Variants in EAF1 observed in about 807,000 individuals in gnomAD.
EAF1 encodes the protein ELL associated factor 1, also known as ELL-associated factor 1.
A neutral mutation model predicts 26.6 loss-of-function variants in EAF1; 19 were observed. The observed-to-expected ratio is 0.71, with a 90% CI of 0.50 to 1.05. The LOEUF (loss-of-function observed/expected upper bound fraction) is 1.05, where lower values mean the gene tolerates loss of function less well. Among genes scored for constraint, EAF1 ranks in the 50% least tolerant of loss-of-function variants. EAF1 has a pLI of 0.00. For synonymous variants in EAF1, 102 were observed against 120.6 expected, an observed-to-expected ratio of 0.85 and a Z score of 1.01; for missense variants, 260 against 335.5, an observed-to-expected ratio of 0.78 and a Z score of 1.76.
At position 15,427,722 on chromosome 3, in the gene EAF1, C is replaced by T. The variant is rs2061761135; in HGVS notation, c.-58C>T. 6.6e-7 allele frequency: 1 copy of T among 1,517,890 alleles called. No homozygotes were observed. Among genetic ancestry groups the T allele is most frequent in the East Asian group, 2.5e-5 (1 of 40,546 alleles). 94.0% of individuals were successfully genotyped at this position (1,517,890 alleles called of 1,614,324 possible). A position where few individuals can be genotyped will look rare whatever the true frequency, so the allele number is the denominator to read the frequency against. ...TCCTCCCAGACGCCAGCGCCAGAAG[C>T]TCGGATCGCGGCTGCACCGGGAGAG... On this transcript the variant is annotated 5_prime_UTR_variant, in exon 1 of 6. Transcript: ENST00000396842.
chr3:15,435,207 A>G (rs749809470), intron 4 of EAF1, among the ~76,000 whole-genome samples: 2 of 152,240 alleles, frequency 1.3e-5, no homozygotes, highest in Non-Finnish European at 2.9e-5. Context: ...TGGCCTAGAA[A>G]GAGTTAAAGG....
Position 15,427,687 on chromosome 3 carries a change from G to T in EAF1, c.-93G>T. The T allele has an allele frequency of 7.4e-7, 1 of 1,349,734 alleles. No homozygotes were observed. The highest frequency in any genetic ancestry group is 1.0e-6 in the Non-Finnish European group (1 of 970,512). The allele number at this position is 1,349,734 out of a possible 1,614,324, so 83.6% of individuals were successfully genotyped here. A position where few individuals can be genotyped will look rare whatever the true frequency, so the allele number is the denominator to read the frequency against. On this transcript the variant is annotated 5_prime_UTR_variant, in exon 1 of 6. Coordinates refer to ENST00000396842, the MANE Select transcript of EAF1 (RefSeq NM_033083.7). ...TCCTTGTCTTCCAGAGCGGTGGCCCGGAAGCACAGTCCTCCCAGACGCCAG... is the reference window on the plus strand; with the variant it reads ...TCCTTGTCTTCCAGAGCGGTGGCCCTGAAGCACAGTCCTCCCAGACGCCAG...
intron 2 of EAF1, among the ~76,000 whole-genome samples, chr3:15,430,459 CA>C (rs11300135): frequency 0.41 from 53,471 of 129,708 alleles, 10,051 homozygotes; most frequent in East Asian, 0.52. Flanking sequence ...GACTCCCCCT[CA>C]AAAAAAAAAA....
chr3:15,435,905 A>G (rs903425024), intron 4 of EAF1, among the ~76,000 whole-genome samples: 2 of 152,186 alleles, frequency 1.3e-5, no homozygotes, highest in Non-Finnish European at 2.9e-5. Context: ...TGCTGGTTAG[A>G]GGTAAATCCA....
intron 1 of EAF1, among the ~76,000 whole-genome samples, chr3:15,428,755 T>A (rs2061777094): frequency 6.6e-6 from 1 of 152,224 alleles, no homozygotes; most frequent in African/African-American, 2.4e-5. Context: ...AGAGCATCCC[T>A]CCGTGATTCA....
rs773726683 is a variant in EAF1 at position 15,434,486 on chromosome 3, T to C, written c.474T>C (p.Ser158=). The change falls in exon 4 of 6, where the codon TCT becomes TCC. Residue 158 remains serine (S), a synonymous_variant. Coordinates refer to ENST00000396842, the MANE Select transcript of EAF1 (RefSeq NM_033083.7). ...PTKPPVGPKT[S]PLKDNPSPEP... The stretch of plus-strand genomic sequence containing the variant: ...AGCCTCCAGTTGGACCCAAAACTTC[T>C]CCCTTGAAAGATAACCCCTCACCTG... 18 of 1,613,968 alleles carry C rather than the reference T, an allele frequency of 1.1e-5. No homozygotes were observed. The highest frequency in any genetic ancestry group is 1.5e-5 in the Non-Finnish European group (18 of 1,180,020).
At chr3:15,436,223 C>G in intron 4 of EAF1, 119 bp from the exon 5 acceptor site, 1 of 723,054 alleles carries the variant, frequency 1.4e-6, no homozygotes, top group South Asian at 3.1e-5. Flanking sequence ...AGAAGTAGGA[C>G]TTTGTTTTAA....
At position 15,432,017 on chromosome 3, in the gene EAF1, T is replaced by C. The variant is rs980537848; in HGVS notation, c.199-70T>C. On this transcript the variant is annotated intron_variant, in intron 2 of 5. Transcript: ENST00000396842. ...TAAAAGATTTCATCAGGTGGAGTCA[T>C]CTATAAATTCAGTTGATATTCATAA... 177 of 1,503,286 alleles carry C rather than the reference T, an allele frequency of 1.2e-4. 1 individual carries two copies. Among genetic ancestry groups the C allele is most frequent in the Non-Finnish European group, 1.5e-4 (172 of 1,109,954 alleles). The allele number at this position is 1,503,286 out of a possible 1,614,324, so 93.1% of individuals were successfully genotyped here. A position where few individuals can be genotyped will look rare whatever the true frequency, so the allele number is the denominator to read the frequency against.
chr3:15,432,272 T>C (rs2061806533), intron 3 of EAF1, 49 bp downstream of exon 3: 2 of 1,602,632 alleles, frequency 1.2e-6, no homozygotes, highest in Admixed American at 1.7e-5. Flanking sequence ...CAAACCTCTG[T>C]TATCTATTCA....
At chr3:15,432,900 T>A (rs1265725878) in intron 3 of EAF1, among the ~76,000 whole-genome samples, 1 of 152,028 alleles carries the variant, frequency 6.6e-6, no homozygotes, top group Non-Finnish European at 1.5e-5. Context: ...ATACAGTAAT[T>A]AAATTGTAAA....
At chr3:15,439,088 T>C in intron 5 of EAF1, 21 bp from the exon 6 acceptor site, 1 of 1,598,200 alleles carries the variant, frequency 6.3e-7, no homozygotes, top group Non-Finnish European at 8.5e-7. Flanking sequence ...ATGATTTTAC[T>C]TTATTTTTTT....
In EAF1 at chr3:15,440,862, G is replaced by C. The variant is rs2061864887; in HGVS notation, c.*1707G>C. On this transcript the variant is annotated 3_prime_UTR_variant, in exon 6 of 6. Coordinates refer to ENST00000396842, the MANE Select transcript of EAF1 (RefSeq NM_033083.7). ...CCTTGGTAATGACAGCTCAGGGAAGGTTTCACAAGGTCATGATCAGGAGAC... is the reference window on the plus strand; with the variant it reads ...CCTTGGTAATGACAGCTCAGGGAAGCTTTCACAAGGTCATGATCAGGAGAC... 1 of 152,618 alleles carries C rather than the reference G, an allele frequency of 6.6e-6. No individual in the cohort carries two copies. Among genetic ancestry groups the C allele is most frequent in the Admixed American group, 6.5e-5 (1 of 15,280 alleles). 9.5% of individuals were successfully genotyped at this position (152,618 alleles called of 1,614,324 possible).
chr3:15,432,691 C>T (rs2061809372), intron 3 of EAF1, among the ~76,000 whole-genome samples: 1 of 152,032 alleles, frequency 6.6e-6, no homozygotes, highest in Non-Finnish European at 1.5e-5. Context: ...ACAGTTGCTA[C>T]ATGTCTAAAA....
chr3:15,437,246 CTTT>C (rs71045159), intron 5 of EAF1, among the ~76,000 whole-genome samples: 72 of 120,452 alleles, frequency 6.0e-4, no homozygotes, highest in Non-Finnish European at 8.6e-4. Flanking sequence ...AGTGTGGTGG[CTTT>C]TTTTTTTTTT....
At position 15,434,634 on chromosome 3, in the gene EAF1, G is replaced by A; in HGVS notation, c.526+96G>A. On this transcript the variant is annotated intron_variant, in intron 4 of 5. Transcript: ENST00000396842. ...TGGCTGCTGTATTGATACAGTGGCTGGGGCATTCAATGCCATCAAAAAAAT... is the reference window on the plus strand; with the variant it reads ...TGGCTGCTGTATTGATACAGTGGCTAGGGCATTCAATGCCATCAAAAAAAT... 10 of 1,422,714 alleles carry A rather than the reference G, an allele frequency of 7.0e-6. 1 individual carries two copies. In the South Asian group the frequency reaches 1.3e-4, roughly 18 times the overall value. The allele number at this position is 1,422,714 out of a possible 1,614,324, so 88.1% of individuals were successfully genotyped here.
chr3:15,438,966 A>G (rs760167974), intron 5 of EAF1, 143 bp from the exon 6 acceptor site: 2 of 747,608 alleles, frequency 2.7e-6, no homozygotes, highest in Non-Finnish European at 4.2e-6. Flanking sequence ...AGCCAATTTG[A>G]TTTTCTTCCC....
In EAF1 at chr3:15,434,567, G is replaced by A. The variant is rs373252534; in HGVS notation, c.526+29G>A. 20 of 1,610,542 alleles carry A rather than the reference G, an allele frequency of 1.2e-5. No homozygotes were observed. The African/African-American group carries it at 1.5e-4, about 12-fold the overall frequency. The stretch of plus-strand genomic sequence containing the variant: ...GAGAACATTTTCTGGATCCATGATA[G>A]CAACTTGGAGTAGAGTGCTGAATTT... On this transcript the variant is annotated intron_variant, in intron 4 of 5. Transcript: ENST00000396842.
chr3:15,434,225 T>G (rs1458329722), intron 3 of EAF1, 123 bp from the exon 4 acceptor site: 1 of 1,047,442 alleles, frequency 9.5e-7, no homozygotes, highest in East Asian at 2.4e-5. Context: ...CAAGTATCAG[T>G]ATTTTGAAGT....
rs999794436 is a variant in EAF1 at position 15,434,673 on chromosome 3, A to G, written c.526+135A>G. 1.2e-4 allele frequency: 130 copies of G among 1,094,824 alleles called. No individual in the cohort carries two copies. The African/African-American group carries it at 1.7e-3, about 15-fold the overall frequency. The allele number at this position is 1,094,824 out of a possible 1,614,324, so 67.8% of individuals were successfully genotyped here. On this transcript the variant is annotated intron_variant, in intron 4 of 5. Transcript: ENST00000396842. Reference sequence around the variant, plus strand: ...CATCAAAAAAATGTCTGCAGAGCTCACTGTTCAGAGATGGGGAGGGTGGGG... The same window carrying G: ...CATCAAAAAAATGTCTGCAGAGCTCGCTGTTCAGAGATGGGGAGGGTGGGG...
Sources: gnomAD v4.1 joint callset for allele counts (sites outside exome capture counted in the v4.1 genomes callset) on GRCh38, gnomAD v4.1.1 for gene constraint, MANE v1.5 for transcripts, NCBI Gene and HGNC (gene_info 2026-07-23, HGNC 2026-07-21) for gene names.